Variants in DMD observed in about 807,000 individuals in gnomAD.
DMD encodes the protein mutant dystrophin.
A neutral mutation model predicts 330.1 loss-of-function variants in DMD; 63 were observed. The ratio of observed to expected loss-of-function variants is 0.19; its 90% CI spans 0.16 to 0.24. The LOEUF (loss-of-function observed/expected upper bound fraction) is 0.24, where lower values mean the gene tolerates loss of function less well. Ranked by LOEUF, DMD falls within the 10% of genes least tolerant of loss-of-function variation. DMD has a pLI of 1.00. For synonymous variants in DMD, 1,223 were observed against 959.8 expected (o/e 1.27, Z -5.07); for missense variants, 3,344 against 2,684.1 (o/e 1.25, Z -5.43).
intron 16 of DMD, among the ~76,000 whole-genome samples, chrX:32,558,469 A>C (rs1180112643): frequency 9.0e-6 from 1 of 111,672 alleles, no homozygotes; most frequent in African/African-American, 3.3e-5. Flanking sequence ...ACAGATGCTG[A>C]GCATTTTGTC....
At chrX:33,180,076 T>G (rs2049907640) in intron 1 of DMD, among the ~76,000 whole-genome samples, 1 of 111,427 alleles carries the variant, frequency 9.0e-6, no homozygotes, top group African/African-American at 3.3e-5. Context: ...TCTGAAGTGA[T>G]CTGCCCACCT....
rs1028795734 is a variant in DMD, at chrX:33,227,027, A to G, written c.7+112232T>C. Among the ~76,000 whole-genome samples the G allele has an allele frequency of 5.4e-5, 6 of 110,179 alleles. No homozygotes were observed. In the East Asian group the frequency reaches 1.7e-3, roughly 31 times the overall value. ...ATAACGTAACACACTTAAAAGAATT[A>G]TCTAATTCAGGAAAATTTTAAATAT... On this transcript the variant is annotated intron_variant, in intron 1 of 17. Coordinates refer to the DMD transcript ENST00000288447.
At chrX:32,921,596 A>G (rs1288171645) in intron 2 of DMD, among the ~76,000 whole-genome samples, 1 of 111,650 alleles carries the variant, frequency 9.0e-6, no homozygotes, top group East Asian at 2.8e-4. Context: ...GAATACACAG[A>G]AAACCGCAAT....
At chrX:31,896,033 T>C (rs1432898588) in intron 47 of DMD, among the ~76,000 whole-genome samples, 1 of 112,064 alleles carries the variant, frequency 8.9e-6, no homozygotes, top group Non-Finnish European at 1.9e-5. Flanking sequence ...CTTGATTTAT[T>C]TGCAAGCTAC....
rs1429280166 is a variant in DMD at position 31,173,658 on chromosome X, A to T, written c.10263-54T>A. Reference sequence around the variant, plus strand: ...AGATACCATCCATTAATGGAGAAAAAACCCACCACACAGTTATGTTATACA... The same window carrying T: ...AGATACCATCCATTAATGGAGAAAATACCCACCACACAGTTATGTTATACA... On this transcript the variant is annotated intron_variant, in intron 71 of 78. Transcript: ENST00000357033. The T allele has an allele frequency of 2.0e-5, 21 of 1,057,821 alleles. No individual in the cohort carries two copies. In the Admixed American group the frequency reaches 2.2e-4, roughly 11 times the overall value. 87.2% of individuals were successfully genotyped at this position (1,057,821 alleles called of 1,213,427 possible).
intron 13 of DMD, 94 bp from the exon 14 acceptor site, chrX:32,573,940 C>T (rs942436638): frequency 6.0e-6 from 4 of 670,277 alleles, no homozygotes; most frequent in Non-Finnish European, 9.6e-6. Context: ...GTATCTCAGT[C>T]TCCTATGTAC....
chrX:32,437,495 G>A (rs762626148), intron 29 of DMD, among the ~76,000 whole-genome samples: 13 of 111,387 alleles, frequency 1.2e-4, no homozygotes, highest in East Asian at 2.8e-4. Context: ...CTCTTCATAC[G>A]TTATATTATT....
chrX:31,261,108 T>G (rs2050466118), intron 62 of DMD, 92 bp from the exon 63 acceptor site: 8 of 828,170 alleles, frequency 9.7e-6, no homozygotes, highest in Non-Finnish European at 1.4e-5. Flanking sequence ...AACAACATGA[T>G]TTTTGCTTTT....
chrX:32,770,242 G>A (rs901974155), intron 7 of DMD, among the ~76,000 whole-genome samples: 1 of 111,792 alleles, frequency 8.9e-6, no homozygotes, highest in African/African-American at 3.2e-5. Flanking sequence ...TGTGAACAAT[G>A]ATTTAAAGTA....
intron 44 of DMD, among the ~76,000 whole-genome samples, chrX:32,102,839 C>T (rs1256677519): frequency 9.0e-6 from 1 of 111,683 alleles, no homozygotes; most frequent in Admixed American, 9.5e-5. Context: ...ATAACTAAGA[C>T]TGGATCTTGT....
chrX:32,472,098 AG>A, intron 22 of DMD, 65 bp downstream of exon 22: 10 of 1,132,765 alleles, frequency 8.8e-6, no homozygotes, highest in Non-Finnish European at 1.2e-5. Flanking sequence ...TATTATTTAA[AG>A]GTTATATCAA....
At chrX:31,529,123 G>A (rs990134117) in intron 55 of DMD, among the ~76,000 whole-genome samples, 13 of 111,082 alleles carry the variant, frequency 1.2e-4, no homozygotes, top group Non-Finnish European at 2.5e-4. Flanking sequence ...TCAGGAGGCT[G>A]AGGCAGGAGA....
chrX:33,209,822 G>C (rs1459176338), intron 1 of DMD, among the ~76,000 whole-genome samples: 2 of 110,085 alleles, frequency 1.8e-5, no homozygotes, highest in Non-Finnish European at 3.8e-5. Flanking sequence ...TGACAAAGCA[G>C]AGTGTAGATT....
intron 1 of DMD, among the ~76,000 whole-genome samples, chrX:33,298,192 A>C (rs2053610941): frequency 1.8e-5 from 2 of 110,806 alleles, no homozygotes; most frequent in African/African-American, 6.6e-5. Flanking sequence ...TTTCACTATT[A>C]AGTTACTGTT....
intron 41 of DMD, among the ~76,000 whole-genome samples, chrX:32,331,746 T>C (rs777934338): frequency 8.9e-6 from 1 of 111,887 alleles, no homozygotes; most frequent in African/African-American, 3.2e-5. Context: ...GACACATTTA[T>C]TCTACTATTT....
chrX:32,747,770 T>C (rs2070245401), intron 7 of DMD, among the ~76,000 whole-genome samples: 1 of 110,126 alleles, frequency 9.1e-6, no homozygotes, highest in Non-Finnish European at 1.9e-5. Flanking sequence ...TGAGCCAACA[T>C]GCCGGGGAGG....
chrX:31,291,715 ACT>A (rs1232413817), intron 62 of DMD, among the ~76,000 whole-genome samples: 2 of 111,542 alleles, frequency 1.8e-5, no homozygotes, highest in Non-Finnish European at 3.8e-5. Context: ...TCTTAAAGAA[ACT>A]CTTCCAGAGA....
chrX:31,455,424 T>C (rs868194012), intron 59 of DMD, among the ~76,000 whole-genome samples: 3 of 111,653 alleles, frequency 2.7e-5, no homozygotes, highest in Non-Finnish European at 3.8e-5. Context: ...TGCCAAGCCA[T>C]AGTACATGAT....
intron 7 of DMD, among the ~76,000 whole-genome samples, chrX:32,751,583 T>A (rs904431091): frequency 9.0e-6 from 1 of 111,731 alleles, no homozygotes; most frequent in African/African-American, 3.3e-5. Flanking sequence ...CCTGACAATG[T>A]GATAAAAAAG....
Sources: allele counts gnomAD v4.1 joint callset (sites outside exome capture counted in the v4.1 genomes callset), GRCh38; gene constraint gnomAD v4.1.1; transcripts MANE v1.5; gene names NCBI Gene and HGNC (gene_info 2026-07-23, HGNC 2026-07-21).